MAP3K19: variants seen among roughly 807,000 people sequenced by gnomAD.
MAP3K19 encodes mitogen-activated protein kinase kinase kinase 19.
Under a neutral mutation model 114.4 loss-of-function variants are expected in MAP3K19, and 91 were observed. The observed-to-expected ratio is 0.80, with a 90% CI of 0.67 to 0.95. MAP3K19 has a LOEUF of 0.95. Among genes scored for constraint, MAP3K19 ranks in the 40% least tolerant of loss-of-function variants. The pLI, the probability that MAP3K19 is intolerant of heterozygous loss-of-function variation, is 0.00. For synonymous variants in MAP3K19, 518 were observed against 530.5 expected (o/e 0.98, Z 0.32); for missense variants, 1,471 against 1,573.2 (o/e 0.94, Z 1.10).
At chr2:135,037,277 C>T (rs552191363) in intron 2 of MAP3K19, among the ~76,000 whole-genome samples, 1 of 152,350 alleles carries the variant, frequency 6.6e-6, no homozygotes, top group South Asian at 2.1e-4. Flanking sequence ...GGATTACAGG[C>T]GTGAGCCATC....
intron 2 of MAP3K19, among the ~76,000 whole-genome samples, chr2:135,032,168 C>T (rs1200914373): frequency 1.3e-5 from 2 of 151,946 alleles, no homozygotes; most frequent in Non-Finnish European, 2.9e-5. Context: ...ACCAGCCTGG[C>T]CAAGATGGTG....
chr2:134,990,927 G>T (rs1481592101), intron 9 of MAP3K19, among the ~76,000 whole-genome samples: 2 of 152,120 alleles, frequency 1.3e-5, no homozygotes, highest in Non-Finnish European at 2.9e-5. Context: ...ATGTGCGGTG[G>T]CTAACATCTG....
intron 5 of MAP3K19, among the ~76,000 whole-genome samples, chr2:135,019,862 G>T (rs146775325): frequency 6.5e-4 from 99 of 152,138 alleles, no homozygotes; most frequent in African/African-American, 2.3e-3. Flanking sequence ...TTTTCTATGG[G>T]CTGCAATGCT....
At chr2:134,966,880 G>T (rs536261840) in intron 12 of MAP3K19, among the ~76,000 whole-genome samples, 1 of 152,210 alleles carries the variant, frequency 6.6e-6, no homozygotes, top group Non-Finnish European at 1.5e-5. Context: ...GAGGGGAAGG[G>T]CAGTTCAGTG....
chr2:134,973,384 C>G (rs1408970089), intron 12 of MAP3K19, among the ~76,000 whole-genome samples: 4 of 152,224 alleles, frequency 2.6e-5, no homozygotes, highest in African/African-American at 9.6e-5. Context: ...GACTTTGTCT[C>G]TTTTTACTGT....
At position 135,010,107 on chromosome 2, in the gene MAP3K19, GA is replaced by G. The variant is rs977156713; in HGVS notation, c.139-4577del. Reference sequence around the variant, plus strand: ...AAACAATGAATTTCAACAAGAACCAGAAAAAAAAAAAGAATTAATGAGCAAA... The same window carrying G: ...AAACAATGAATTTCAACAAGAACCAGAAAAAAAAAAGAATTAATGAGCAAA... On this transcript the variant is annotated intron_variant, in intron 5 of 12. Transcript: ENST00000392915. Among the ~76,000 whole-genome samples the G allele has an allele frequency of 7.0e-4, 88 of 126,324 alleles. 1 individual carries two copies. Among genetic ancestry groups the G allele is most frequent in the Middle Eastern group, 4.2e-3 (1 of 240 alleles). The allele number at this position is 126,324 out of a possible 152,430, so 82.9% of individuals were successfully genotyped here.
In MAP3K19 at chr2:134,985,933, A is replaced by C; in HGVS notation, c.2939T>G (p.Leu980Arg). 1 of 1,614,158 alleles carries C rather than the reference A, an allele frequency of 6.2e-7. No homozygotes were observed. Among genetic ancestry groups the C allele is most frequent in the Middle Eastern group, 1.6e-4 (1 of 6,062 alleles). The change falls in exon 10 of 13, where the codon CTT (leucine) becomes CGT (arginine). Residue 980 changes from leucine (L) to arginine (R), a missense_variant. Physicochemically the swap from Leu to Arg is moderately radical, Grantham distance 102. Transcript: ENST00000392915. ...LGCLAAELLA[L>R]DEKDNNSCQK... ...GCAAGAGTTGTTATCTTTCTCATCA[A>C]GAGCTAATAATTCTGCAGCTAGACA...
At chr2:135,033,521 A>G (rs1407352721) in intron 2 of MAP3K19, among the ~76,000 whole-genome samples, 302 of 55,950 alleles carry the variant, frequency 5.4e-3, no homozygotes, top group Middle Eastern at 0.023. Flanking sequence ...CAGTAGGGGC[A>G]GCCGGGCAGA....
At chr2:135,015,150 A>C (rs1211282646) in intron 5 of MAP3K19, among the ~76,000 whole-genome samples, 1 of 152,228 alleles carries the variant, frequency 6.6e-6, no homozygotes, top group Non-Finnish European at 1.5e-5. Context: ...CTAACAGTTC[A>C]TTCTCCCATC....
chr2:135,023,657 G>A (rs946812501), intron 4 of MAP3K19: 2 of 452,166 alleles, frequency 4.4e-6, no homozygotes, highest in Admixed American at 2.4e-5. Flanking sequence ...TCTGTGAATT[G>A]TTCTTTCACA....
At chr2:135,021,668 G>A in intron 5 of MAP3K19, 47 bp downstream of exon 5, 1 of 1,003,660 alleles carries the variant, frequency 1.0e-6, no homozygotes, top group Non-Finnish European at 1.5e-6. Flanking sequence ...AAATAAAGTA[G>A]TAGATGGAGT....
At position 134,980,860 on chromosome 2, in the gene MAP3K19, G is replaced by T; in HGVS notation, c.3881C>A (p.Ser1294Ter). 1 of 1,614,140 alleles carries T rather than the reference G, an allele frequency of 6.2e-7. No homozygotes were observed. The highest frequency in any genetic ancestry group is 8.5e-7 in the Non-Finnish European group (1 of 1,179,960). The change falls in exon 12 of 13, where the codon TCA becomes TAA. Residue 1294 changes from serine to a stop codon, truncating the protein, a stop_gained. Coordinates refer to ENST00000392915, the MANE Select transcript of MAP3K19 (RefSeq NM_025052.5). LOFTEE classifies it high-confidence loss of function. ...GCGCACAAAGTCTGCTGCATTTTCT[G>T]AGAAGTGGTCTGGTAAAGGAGGCAT... is the stretch of plus-strand genomic sequence containing the variant. ...GLMPPLPDHF[S>*]ENAADFVRMC...
rs1683211777 is a variant in MAP3K19, at chr2:134,964,511, A to T, written c.*339T>A. 6.0e-6 allele frequency: 1 copy of T among 165,700 alleles called. No individual in the cohort carries two copies. Among genetic ancestry groups the T allele is most frequent in the African/African-American group, 2.4e-5 (1 of 41,998 alleles). The allele number at this position is 165,700 out of a possible 1,614,324, so 10.3% of individuals were successfully genotyped here. A position where few individuals can be genotyped will look rare whatever the true frequency, so the allele number is the denominator to read the frequency against. On this transcript the variant is annotated 3_prime_UTR_variant, in exon 13 of 13. Transcript: ENST00000392915. ...ATAAGTTGTTTTTACAATTTATTTT[A>T]AACTAACAACATTAAAATTGACAGG...
chr2:134,978,917 T>A (rs542666187), intron 12 of MAP3K19, among the ~76,000 whole-genome samples: 1 of 152,260 alleles, frequency 6.6e-6, no homozygotes, highest in East Asian at 1.9e-4. Context: ...CCTCACTGCC[T>A]ATTGCAACAA....
intron 3 of MAP3K19, among the ~76,000 whole-genome samples, chr2:135,025,108 G>A (rs1479199320): frequency 6.6e-6 from 1 of 151,664 alleles, no homozygotes. Flanking sequence ...GAGTCATAAG[G>A]ATTAAAACAT....
rs751329452 is a variant in MAP3K19, at chr2:135,021,084, T to TAC, written c.138+630_138+631insGT. 3.0e-3 allele frequency among the ~76,000 whole-genome samples: 454 copies of TAC among 151,942 alleles called. 3 individuals carry two copies. The highest frequency in any genetic ancestry group is 2.2e-3 in the Admixed American group (33 of 15,236). On this transcript the variant is annotated intron_variant, in intron 5 of 12. Coordinates refer to ENST00000392915, the MANE Select transcript of MAP3K19 (RefSeq NM_025052.5). ...AATATTCTGTGGTACTGGAGACACA[T>TAC]AGACACACACACACAGGCACGCTCA...
At position 135,024,640 on chromosome 2, in the gene MAP3K19, G is replaced by T. The variant is rs755047148; in HGVS notation, c.8C>A (p.Ser3Tyr). The change falls in exon 4 of 13, where the codon TCT becomes TAT. Residue 3 changes from serine to tyrosine, a missense_variant. Coordinates refer to ENST00000392915, the MANE Select transcript of MAP3K19 (RefSeq NM_025052.5). ...AAAGTATTTACCTGGTTTTGGCATAGAACTCATTAAAATGTCCAAAAGCTG... is the reference window on the plus strand; with the variant it reads ...AAAGTATTTACCTGGTTTTGGCATATAACTCATTAAAATGTCCAAAAGCTG... MS[S>Y]MPKPERHAES... 8.1e-6 allele frequency: 13 copies of T among 1,613,484 alleles called. No individual in the cohort carries two copies. The highest frequency in any genetic ancestry group is 6.7e-5 in the East Asian group (3 of 44,858).
chr2:135,034,627 G>A (rs1447786305), intron 2 of MAP3K19, among the ~76,000 whole-genome samples: 2 of 133,336 alleles, frequency 1.5e-5, no homozygotes, highest in Non-Finnish European at 3.1e-5. Flanking sequence ...CCAACACAGC[G>A]AAACCCCGTC....
intron 12 of MAP3K19, among the ~76,000 whole-genome samples, chr2:134,975,155 G>T (rs1362292858): frequency 6.6e-6 from 1 of 152,176 alleles, no homozygotes; most frequent in East Asian, 1.9e-4. Context: ...GTGTTAGTGG[G>T]TTCAAATGAG....
Sources: gnomAD v4.1 joint callset for allele counts (sites outside exome capture counted in the v4.1 genomes callset) on GRCh38, gnomAD v4.1.1 for gene constraint, MANE v1.5 for transcripts, NCBI Gene and HGNC (gene_info 2026-07-23, HGNC 2026-07-21) for gene names.